The following MRPL47 variants were observed in gnomAD, a reference collection of about 807,000 sequenced individuals.
MRPL47 encodes large ribosomal subunit protein uL29m.
MRPL47 carries 31 observed loss-of-function variants against 34.0 expected under a neutral mutation model. The observed-to-expected ratio is 0.91, with a 90% CI of 0.68 to 1.23. The LOEUF (loss-of-function observed/expected upper bound fraction) is 1.23. Ranked by LOEUF, MRPL47 falls within the 50% of genes most tolerant of loss-of-function variation. MRPL47 has a pLI of 0.00. For missense variants in MRPL47, 328 were observed against 285.8 expected (o/e 1.15, Z -1.07); for synonymous variants, 106 against 101.6 (o/e 1.04, Z -0.26).
chr3:179,591,656 C>T (rs1718675472), intron 6 of MRPL47, among the ~76,000 whole-genome samples: 1 of 152,186 alleles, frequency 6.6e-6, no homozygotes, highest in Non-Finnish European at 1.5e-5. Context: ...TTCCTAGCGC[C>T]ATTTCTTTTC....
chr3:179,594,766 G>T (rs1217452705), intron 4 of MRPL47, among the ~76,000 whole-genome samples: 1 of 152,166 alleles, frequency 6.6e-6, no homozygotes, highest in Non-Finnish European at 1.5e-5. Context: ...TTACAGGCAT[G>T]AGCAACCGCA....
At position 179,590,199 on chromosome 3, in the gene MRPL47, C is replaced by T. The variant is rs1439281534; in HGVS notation, c.630-1204G>A. ...GCTAAGAATACAAAAATTAGCCAGGCGTGGTGGCACATGCCTGTAGTCCCA... is the reference window on the plus strand; with the variant it reads ...GCTAAGAATACAAAAATTAGCCAGGTGTGGTGGCACATGCCTGTAGTCCCA... On this transcript the variant is annotated intron_variant, in intron 6 of 6. Transcript: ENST00000476781. Among the ~76,000 whole-genome samples, 8 of 152,066 alleles carry T rather than the reference C, an allele frequency of 5.3e-5. No homozygotes were observed. In the East Asian group the frequency reaches 1.4e-3, roughly 26 times the overall value.
rs770549717 is a variant in MRPL47 at position 179,604,590 on chromosome 3, C to G, written c.35G>C (p.Arg12Thr). The stretch of plus-strand genomic sequence containing the variant: ...GGAAGATTTCAGGGCGGATGAAACT[C>G]TCCTACAAAGAAGGGCCAAACCGGC... Reference protein sequence around the residue: ...AAAGLALLCRRVSSALKSSRS... With the variant: ...AAAGLALLCRTVSSALKSSRS... Residue 12 changes from arginine (R) to threonine (T), a missense_variant, in exon 1 of 7, where the codon AGA becomes ACA. Arg to Thr is a moderately conservative substitution (Grantham distance 71). Transcript: ENST00000476781. 1.2e-6 allele frequency: 2 copies of G among 1,614,232 alleles called. No individual in the cohort carries two copies. Among genetic ancestry groups the G allele is most frequent in the Non-Finnish European group, 1.7e-6 (2 of 1,180,048 alleles).
rs551199865 is a variant in MRPL47 at position 179,603,674 on chromosome 3, A to T, written c.98+853T>A. 8.6e-5 allele frequency among the ~76,000 whole-genome samples: 13 copies of T among 151,714 alleles called. 1 individual carries two copies. The highest frequency in any genetic ancestry group is 3.9e-4 in the Admixed American group (6 of 15,292). On this transcript the variant is annotated intron_variant, in intron 1 of 6. Transcript: ENST00000476781. ...TATTATAGATGGGAATTTATAAATT[A>T]AGATGTTTATTAAAGCACTATATAG...
rs923713600 is a variant in MRPL47 at position 179,590,578 on chromosome 3, C to G, written c.630-1583G>C. 1.2e-4 allele frequency among the ~76,000 whole-genome samples: 18 copies of G among 151,896 alleles called. 1 individual carries two copies. Among genetic ancestry groups the G allele is most frequent in the Admixed American group, 1.1e-3 (17 of 15,224 alleles). Reference sequence around the variant, plus strand: ...ACACTTAGGAAACAAGGCAAGAGTTCTGACTTCGATGAAAGGTAGGTAGCT... The same window carrying G: ...ACACTTAGGAAACAAGGCAAGAGTTGTGACTTCGATGAAAGGTAGGTAGCT... On this transcript the variant is annotated intron_variant, in intron 6 of 6. Transcript: ENST00000476781.
intron 3 of MRPL47, among the ~76,000 whole-genome samples, chr3:179,599,581 C>T (rs1718879223): frequency 6.6e-6 from 1 of 152,138 alleles, no homozygotes; most frequent in African/African-American, 2.4e-5. Context: ...TGTATAAAAT[C>T]CATTCTATTT....
chr3:179,592,502 C>T (rs1718698969), intron 6 of MRPL47, 142 bp downstream of exon 6: 1 of 587,064 alleles, frequency 1.7e-6, no homozygotes, highest in South Asian at 2.5e-5. Context: ...CCTGACTTTC[C>T]TATTTTTTAT....
chr3:179,595,220 A>G (rs1718766688), intron 4 of MRPL47, among the ~76,000 whole-genome samples: 1 of 151,782 alleles, frequency 6.6e-6, no homozygotes, highest in Non-Finnish European at 1.5e-5. Context: ...TAATTTTTGT[A>G]TTTTTTTGGT....
Position 179,602,570 on chromosome 3 carries a change from A to G in MRPL47, c.244+82T>C, listed in dbSNP as rs1327096126. 5 of 717,048 alleles carry G rather than the reference A, an allele frequency of 7.0e-6. No individual in the cohort carries two copies. The East Asian group carries it at 1.4e-4, about 21-fold the overall frequency. 44.4% of individuals were successfully genotyped at this position (717,048 alleles called of 1,614,324 possible). A position where few individuals can be genotyped will look rare whatever the true frequency, so the allele number is the denominator to read the frequency against. The stretch of plus-strand genomic sequence containing the variant: ...TCTAAATAATTCCTAAACTGGATAT[A>G]TAATCCTAGAACGATGGTTGGGCGG... On this transcript the variant is annotated intron_variant, in intron 2 of 6. Coordinates refer to ENST00000476781, the MANE Select transcript of MRPL47 (RefSeq NM_020409.3).
chr3:179,599,629 G>T (rs1002485709), intron 3 of MRPL47, among the ~76,000 whole-genome samples: 1 of 152,206 alleles, frequency 6.6e-6, no homozygotes, highest in Non-Finnish European at 1.5e-5. Context: ...GTAATGTGAT[G>T]TGGGATAATA....
At chr3:179,590,379 T>C (rs1718647275) in intron 6 of MRPL47, among the ~76,000 whole-genome samples, 1 of 151,830 alleles carries the variant, frequency 6.6e-6, no homozygotes, top group Non-Finnish European at 1.5e-5. Flanking sequence ...CTTCACCCTG[T>C]ATGACTAAGG....
In MRPL47 at chr3:179,604,410, C is replaced by A. The variant is rs1719009060; in HGVS notation, c.98+117G>T. The A allele has an allele frequency of 4.2e-6, 4 of 947,804 alleles. No homozygotes were observed. In the East Asian group the frequency reaches 1.0e-4, roughly 24 times the overall value. 58.7% of individuals were successfully genotyped at this position (947,804 alleles called of 1,614,324 possible). A position where few individuals can be genotyped will look rare whatever the true frequency, so the allele number is the denominator to read the frequency against. On this transcript the variant is annotated intron_variant, in intron 1 of 6. Coordinates refer to ENST00000476781, the MANE Select transcript of MRPL47 (RefSeq NM_020409.3). ...CACTCCTCACCAAAGTGGGCTCCGG[C>A]TCTGCCATCCAGGCGGCCGTTCCAT... is the stretch of plus-strand genomic sequence containing the variant.
At chr3:179,603,520 CAG>C (rs752390528) in intron 1 of MRPL47, among the ~76,000 whole-genome samples, 4 of 152,192 alleles carry the variant, frequency 2.6e-5, no homozygotes, top group Admixed American at 1.3e-4. Context: ...GCCTGGGCGA[CAG>C]AGTCAGTCCC....
At chr3:179,593,703 C>A in intron 5 of MRPL47, 62 bp downstream of exon 5, 1 of 1,488,768 alleles carries the variant, frequency 6.7e-7, no homozygotes, top group South Asian at 1.3e-5. Context: ...AGATATTGGG[C>A]AGGGGAATGA....
Position 179,593,905 on chromosome 3 carries a change from G to C in MRPL47, c.403-10C>G, listed in dbSNP as rs1718732642. On this transcript the variant is annotated splice_polypyrimidine_tract_variant and intron_variant, in intron 4 of 6. Coordinates refer to ENST00000476781, the MANE Select transcript of MRPL47 (RefSeq NM_020409.3). Reference sequence around the variant, plus strand: ...CCATGGAATCTACTACCTGAAAAGAGAATAGAAAGATACAATTTCAACAAT... The same window carrying C: ...CCATGGAATCTACTACCTGAAAAGACAATAGAAAGATACAATTTCAACAAT... The C allele has an allele frequency of 1.2e-6, 2 of 1,602,772 alleles. No individual in the cohort carries two copies. The highest frequency in any genetic ancestry group is 3.5e-5 in the Admixed American group (2 of 57,594).
chr3:179,600,053 G>A (rs1277312607), intron 3 of MRPL47, among the ~76,000 whole-genome samples: 6 of 151,922 alleles, frequency 3.9e-5, no homozygotes, highest in Admixed American at 3.3e-4. Flanking sequence ...AATGGAAGGC[G>A]GAGGTTGCAG....
At chr3:179,592,946 G>A (rs1380682192) in intron 5 of MRPL47, among the ~76,000 whole-genome samples, 2 of 152,198 alleles carry the variant, frequency 1.3e-5, no homozygotes, top group African/African-American at 4.8e-5. Flanking sequence ...TATGAGTTAA[G>A]TGGTATAATG....
Position 179,604,551 on chromosome 3 carries a change from G to A in MRPL47, c.74C>T (p.Thr25Ile), listed in dbSNP as rs1309825110. 6.2e-7 allele frequency: 1 copy of A among 1,614,200 alleles called. No individual in the cohort carries two copies. Among genetic ancestry groups the A allele is most frequent in the East Asian group, 2.2e-5 (1 of 44,884 alleles). Reference sequence around the variant, plus strand: ...CCCTGTGCAGGCAGGGACCTGAGGAGTTATTAACGATCGGGAAGATTTCAG... The same window carrying A: ...CCCTGTGCAGGCAGGGACCTGAGGAATTATTAACGATCGGGAAGATTTCAG... ...SALKSSRSLI[T>I]PQVPACTGFF... Residue 25 changes from threonine to isoleucine, a missense_variant, in exon 1 of 7, where the codon ACT (threonine) becomes ATT (isoleucine). Thr to Ile is a moderately conservative substitution (Grantham distance 89, BLOSUM62 -1). Coordinates refer to ENST00000476781, the MANE Select transcript of MRPL47 (RefSeq NM_020409.3).
chr3:179,592,941 G>A (rs1001876677), intron 5 of MRPL47, among the ~76,000 whole-genome samples: 13 of 152,312 alleles, frequency 8.5e-5, no homozygotes, highest in African/African-American at 1.4e-4. Flanking sequence ...TGAGTTATGA[G>A]TTAAGTGGTA....
Sources: gnomAD v4.1 joint callset for allele counts (sites outside exome capture counted in the v4.1 genomes callset) on GRCh38, gnomAD v4.1.1 for gene constraint, MANE v1.5 for transcripts, NCBI Gene and HGNC (gene_info 2026-07-23, HGNC 2026-07-21) for gene names.